The following PRORP variants were observed in gnomAD, a reference collection of about 807,000 sequenced individuals.
PRORP encodes the protein mitochondrial ribonuclease P catalytic subunit.
A neutral mutation model predicts 59.4 loss-of-function variants in PRORP; 51 were observed. The ratio of observed to expected loss-of-function variants is 0.86; its 90% CI spans 0.69 to 1.08. The LOEUF is 1.08. Ranked by LOEUF, PRORP falls within the 50% of genes least tolerant of loss-of-function variation. PRORP has a pLI of 0.00. For missense variants in PRORP, 646 were observed against 690.3 expected, an observed-to-expected ratio of 0.94 and a Z score of 0.72; for synonymous variants, 231 against 245.6, an observed-to-expected ratio of 0.94 and a Z score of 0.55.
chr14:35,215,831 A>T (rs1444690009), intron 5 of PRORP, among the ~76,000 whole-genome samples: 2 of 151,126 alleles, frequency 1.3e-5, no homozygotes, highest in African/African-American at 4.9e-5. Flanking sequence ...CAGTGGCATG[A>T]TCTCGGCTCA....
chr14:35,267,568 G>C (rs1415376720), intron 6 of PRORP, among the ~76,000 whole-genome samples: 1 of 152,020 alleles, frequency 6.6e-6, no homozygotes, highest in Non-Finnish European at 1.5e-5. Flanking sequence ...CAGATCACGA[G>C]GTCAGGAGAT....
intron 7 of PRORP, 22 bp from the exon 8 acceptor site, chr14:35,273,413 T>C (rs1186994996): frequency 3.8e-6 from 6 of 1,593,494 alleles, no homozygotes; most frequent in Non-Finnish European, 5.1e-6. Context: ...CTCAATGTTT[T>C]GTTCTCTTTT....
At chr14:35,203,800 G>A (rs1401121619) in intron 5 of PRORP, among the ~76,000 whole-genome samples, 3 of 152,136 alleles carry the variant, frequency 2.0e-5, no homozygotes, top group African/African-American at 4.8e-5. Flanking sequence ...AGGGGGCGGA[G>A]CCTGCAGTGA....
chr14:35,131,967 G>A (rs1263910519), intron 4 of PRORP, among the ~76,000 whole-genome samples: 6 of 151,832 alleles, frequency 4.0e-5, no homozygotes, highest in Middle Eastern at 3.4e-3. Flanking sequence ...AGCCTCCCAA[G>A]TAGCTGGGAT....
At chr14:35,273,384 G>A in intron 7 of PRORP, 51 bp from the exon 8 acceptor site, 1 of 1,522,736 alleles carries the variant, frequency 6.6e-7, no homozygotes, top group Non-Finnish European at 8.8e-7. Context: ...AAATGGCCAA[G>A]TAGCCCTTTA....
At chr14:35,214,991 T>TA (rs765744382) in intron 5 of PRORP, among the ~76,000 whole-genome samples, 1 of 152,118 alleles carries the variant, frequency 6.6e-6, no homozygotes, top group Non-Finnish European at 1.5e-5. Flanking sequence ...CATTTTTTTT[T>TA]AACCTTAAAA....
At chr14:35,251,490 T>C (rs1348884182) in intron 5 of PRORP, among the ~76,000 whole-genome samples, 2 of 152,158 alleles carry the variant, frequency 1.3e-5, no homozygotes, top group Non-Finnish European at 2.9e-5. Flanking sequence ...AATAGAAAAT[T>C]ATCGAAGATA....
In PRORP at chr14:35,261,597, C is replaced by T. The variant is rs375910409; in HGVS notation, c.1276-5130C>T. ...TACAAAAATTAGCTGGGCGTTGTGG[C>T]GGGTGCCTGTAATCACAGCTACTCA... On this transcript the variant is annotated intron_variant, in intron 5 of 7. Transcript: ENST00000534898. Among the ~76,000 whole-genome samples the T allele has an allele frequency of 1.1e-3, 171 of 152,058 alleles. 1 individual carries two copies. Among genetic ancestry groups the T allele is most frequent in the African/African-American group, 3.8e-3 (156 of 41,510 alleles).
At chr14:35,256,800 G>A (rs1434933184) in intron 5 of PRORP, among the ~76,000 whole-genome samples, 1 of 151,992 alleles carries the variant, frequency 6.6e-6, no homozygotes, top group Non-Finnish European at 1.5e-5. Context: ...GCTGAGCGAT[G>A]GGTACATGGC....
chr14:35,254,475 C>T (rs1226351603), intron 5 of PRORP, among the ~76,000 whole-genome samples: 1 of 152,202 alleles, frequency 6.6e-6, no homozygotes, highest in Non-Finnish European at 1.5e-5. Flanking sequence ...TCACCACAAC[C>T]TCTGCCTCCC....
At chr14:35,174,386 G>A (rs1462836976) in intron 4 of PRORP, among the ~76,000 whole-genome samples, 3 of 151,704 alleles carry the variant, frequency 2.0e-5, no homozygotes, top group African/African-American at 4.8e-5. Flanking sequence ...TTTCTCCATA[G>A]CATTCTCACA....
At chr14:35,178,304 C>T (rs141563560) in intron 4 of PRORP, among the ~76,000 whole-genome samples, 228 of 152,170 alleles carry the variant, frequency 1.5e-3, no homozygotes, top group African/African-American at 5.3e-3. Flanking sequence ...TCCTTGTTAA[C>T]TTCTGTCTCG....
chr14:35,221,774 A>G (rs931605074), intron 5 of PRORP, among the ~76,000 whole-genome samples: 2 of 152,172 alleles, frequency 1.3e-5, no homozygotes, highest in African/African-American at 4.8e-5. Context: ...TTCAAGAACC[A>G]TATTCTCTTC....
chr14:35,258,687 G>A (rs2050821333), intron 5 of PRORP, among the ~76,000 whole-genome samples: 1 of 152,082 alleles, frequency 6.6e-6, no homozygotes, highest in Admixed American at 6.6e-5. Flanking sequence ...CGTATTTTAG[G>A]TTAAGCCTGA....
chr14:35,165,092 G>A (rs1187142111), intron 4 of PRORP, among the ~76,000 whole-genome samples: 3 of 152,202 alleles, frequency 2.0e-5, no homozygotes, highest in Non-Finnish European at 2.9e-5. Flanking sequence ...TAGTGCATGT[G>A]CCAAGAGGTT....
At chr14:35,130,077 C>G (rs889285435) in intron 4 of PRORP, among the ~76,000 whole-genome samples, 62 of 143,216 alleles carry the variant, frequency 4.3e-4, no homozygotes, top group Non-Finnish European at 6.7e-4. Context: ...GTTGCCTAGG[C>G]TGGGGTGCAG....
chr14:35,259,720 G>A (rs572159862), intron 5 of PRORP, among the ~76,000 whole-genome samples: 142 of 151,870 alleles, frequency 9.4e-4, no homozygotes, highest in African/African-American at 2.9e-3. Context: ...GTGAAAATCG[G>A]GCTTTACTAA....
intron 5 of PRORP, among the ~76,000 whole-genome samples, chr14:35,187,842 C>A (rs143844061): frequency 1.4e-3 from 202 of 148,714 alleles, no homozygotes; most frequent in Non-Finnish European, 2.0e-3. Context: ...TATTTATTTT[C>A]TTTTCTTTTT....
At position 35,197,873 on chromosome 14, in the gene PRORP, A is replaced by G. The variant is rs182435396; in HGVS notation, c.1275+17096A>G. ...TAAGCTTAGGGAAATAAAAGGTTTA[A>G]GGTTGGTGCACAAAATGCATATGGT... is the stretch of plus-strand genomic sequence containing the variant. On this transcript the variant is annotated intron_variant, in intron 5 of 7. Coordinates refer to ENST00000534898, the MANE Select transcript of PRORP (RefSeq NM_014672.4). Among the ~76,000 whole-genome samples, 25 of 152,338 alleles carry G rather than the reference A, an allele frequency of 1.6e-4. No individual in the cohort carries two copies. The East Asian group carries it at 4.4e-3, about 27-fold the overall frequency.
Sources: gnomAD v4.1 joint callset for allele counts (sites outside exome capture counted in the v4.1 genomes callset) on GRCh38, gnomAD v4.1.1 for gene constraint, MANE v1.5 for transcripts, NCBI Gene and HGNC (gene_info 2026-07-23, HGNC 2026-07-21) for gene names.